Variants in FLT3 observed in about 807,000 individuals in gnomAD.
The protein encoded by FLT3 is fms related receptor tyrosine kinase 3.
Under a neutral mutation model 126.6 loss-of-function variants are expected in FLT3, and 46 were observed. The ratio of observed to expected loss-of-function variants is 0.36; its 90% CI spans 0.29 to 0.46. The LOEUF (loss-of-function observed/expected upper bound fraction) is 0.46, where lower values mean the gene tolerates loss of function less well. Among genes scored for constraint, FLT3 ranks in the 20% least tolerant of loss-of-function variants. The probability of loss-of-function intolerance (pLI) is 1.00; values close to 1 mark genes in which losing one functional copy is unlikely to be tolerated. For missense variants in FLT3, 1,069 were observed against 1,190.3 expected, an observed-to-expected ratio of 0.90 and a Z score of 1.50; for synonymous variants, 404 against 434.4, an observed-to-expected ratio of 0.93 and a Z score of 0.87.
intron 21 of FLT3, 105 bp from the exon 22 acceptor site, chr13:28,015,361 T>C (rs1871748730): frequency 2.4e-6 from 2 of 842,012 alleles, no homozygotes; most frequent in Non-Finnish European, 4.0e-6. Context: ...CCAGACACTG[T>C]TGCAGGCACA....
intron 15 of FLT3, 101 bp downstream of exon 15, chr13:28,033,786 C>G: frequency 1.1e-6 from 1 of 909,744 alleles, no homozygotes; most frequent in Non-Finnish European, 1.8e-6. Flanking sequence ...ACATGGCAAA[C>G]AGTAACCATT....
At chr13:28,006,306 TTGTGTGTGTGTG>T (rs4002773) in intron 23 of FLT3, among the ~76,000 whole-genome samples, 79 of 146,994 alleles carry the variant, frequency 5.4e-4, no homozygotes, top group South Asian at 4.5e-4. Context: ...TTCTAGAAAA[TTGTGTGTGTGTG>T]TGTGTGTGTG....
intron 14 of FLT3, 28 bp downstream of exon 14, chr13:28,034,054 A>G: frequency 6.2e-7 from 1 of 1,613,584 alleles, no homozygotes; most frequent in Non-Finnish European, 8.5e-7. Context: ...GAAATGCTGC[A>G]GAAACATTTG....
At chr13:28,045,409 G>A (rs1336557391) in intron 9 of FLT3, among the ~76,000 whole-genome samples, 3 of 152,192 alleles carry the variant, frequency 2.0e-5, no homozygotes, top group East Asian at 1.9e-4. Context: ...ATCAGGTTCA[G>A]AAGAGATTCC....
At chr13:28,049,102 G>A (rs150537110) in intron 8 of FLT3, among the ~76,000 whole-genome samples, 1 of 152,166 alleles carries the variant, frequency 6.6e-6, no homozygotes, top group Non-Finnish European at 1.5e-5. Context: ...AGTTGTTCTT[G>A]TCCTTAAGAA....
chr13:28,073,953 A>AG (rs200342126), intron 1 of FLT3, among the ~76,000 whole-genome samples: 2,549 of 148,614 alleles, frequency 0.017, 58 homozygotes, highest in East Asian at 0.082. Context: ...AAAAAAAAAA[A>AG]AAAGAAAAGA....
rs561896429 is a variant in FLT3 at position 28,019,930 on chromosome 13, G to C, written c.2419-1341C>G. Among the ~76,000 whole-genome samples, 20 of 152,202 alleles carry C rather than the reference G, an allele frequency of 1.3e-4. No individual in the cohort carries two copies. In the South Asian group the frequency reaches 4.1e-3, roughly 32 times the overall value. On this transcript the variant is annotated intron_variant, in intron 19 of 23. Coordinates refer to ENST00000241453, the MANE Select transcript of FLT3 (RefSeq NM_004119.3). ...CCTCACAACCCACACCCTCACCCAA[G>C]CCATTTCATCCAAACCTAGGGATGC...
At chr13:28,066,995 A>C (rs998907893) in intron 2 of FLT3, among the ~76,000 whole-genome samples, 11 of 152,170 alleles carry the variant, frequency 7.2e-5, no homozygotes, top group African/African-American at 2.7e-4. Context: ...TGTCACTCTG[A>C]ATATGATGCT....
chr13:28,031,184 T>C (rs1235371219), intron 15 of FLT3, among the ~76,000 whole-genome samples: 12 of 149,374 alleles, frequency 8.0e-5, no homozygotes, highest in Middle Eastern at 7.3e-3. Flanking sequence ...GCTGAGATGG[T>C]GCCACTGCAC....
intron 1 of FLT3, among the ~76,000 whole-genome samples, chr13:28,099,182 G>A (rs1357461403): frequency 6.6e-6 from 1 of 152,116 alleles, no homozygotes; most frequent in Non-Finnish European, 1.5e-5. Context: ...AAATATCGTT[G>A]CAAGTATTGA....
At chr13:28,098,083 G>A (rs538592839) in intron 1 of FLT3, among the ~76,000 whole-genome samples, 2 of 152,232 alleles carry the variant, frequency 1.3e-5, no homozygotes, top group East Asian at 3.9e-4. Context: ...GGGAGGCTGA[G>A]GTGGGTGGAT....
intron 1 of FLT3, among the ~76,000 whole-genome samples, chr13:28,088,729 C>T (rs769929874): frequency 9.2e-5 from 14 of 151,386 alleles, no homozygotes; most frequent in East Asian, 1.9e-4. Context: ...GGATTACAGG[C>T]GCCCACCACC....
At chr13:28,076,980 A>AAGGG (rs201474171) in intron 1 of FLT3, among the ~76,000 whole-genome samples, 23,258 of 134,204 alleles carry the variant, frequency 0.17, 2,267 homozygotes, top group Middle Eastern at 0.26. Context: ...GGGAGGGAGG[A>AAGGG]AGGGAGGGAA....
chr13:28,086,474 A>G (rs1318611805), intron 1 of FLT3, among the ~76,000 whole-genome samples: 1 of 152,230 alleles, frequency 6.6e-6, no homozygotes, highest in Non-Finnish European at 1.5e-5. Context: ...ATTGCTTTAA[A>G]CAGTGAATTG....
At chr13:28,042,473 G>A (rs1023956524) in intron 9 of FLT3, among the ~76,000 whole-genome samples, 4 of 145,108 alleles carry the variant, frequency 2.8e-5, no homozygotes, top group Non-Finnish European at 4.5e-5. Context: ...TATCTCTGGA[G>A]GTGGAATTAT....
rs1482823196 is a variant in FLT3 at position 28,100,417 on chromosome 13, G to A, written c.43+51C>T. On this transcript the variant is annotated intron_variant, in intron 1 of 23. Coordinates refer to ENST00000241453, the MANE Select transcript of FLT3 (RefSeq NM_004119.3). The surrounding 1 kb of genome is among the most constrained non-coding windows in gnomAD (Gnocchi z 4.8). ...CGCGCGCCCGGGTCCACACTGCGGG[G>A]TGGGGGCTGAGGGACCGCGAGGGGC... 1.7e-6 allele frequency: 2 copies of A among 1,195,702 alleles called. No homozygotes were observed. The highest frequency in any genetic ancestry group is 3.2e-5 in the African/African-American group (2 of 63,178). The allele number at this position is 1,195,702 out of a possible 1,614,324, so 74.1% of individuals were successfully genotyped here.
chr13:28,047,139 G>C (rs1593257596), intron 9 of FLT3, among the ~76,000 whole-genome samples: 1 of 152,094 alleles, frequency 6.6e-6, no homozygotes, highest in Admixed American at 6.6e-5. Context: ...TTTTGAGTCA[G>C]CATGTCTGGA....
In FLT3 at chr13:28,079,952, C is replaced by CTTT. The variant is rs1593296507; in HGVS notation, c.44-9343_44-9341dup. On this transcript the variant is annotated intron_variant, in intron 1 of 23. Coordinates refer to ENST00000241453, the MANE Select transcript of FLT3 (RefSeq NM_004119.3). ...AGAGAGAGGAGGGGGATGCCAGGCTCTTTTTCACAATCATGTCTTGTAGGA... is the reference window on the plus strand; with the variant it reads ...AGAGAGAGGAGGGGGATGCCAGGCTCTTTTTTTTCACAATCATGTCTTGTAGGA... Among the ~76,000 whole-genome samples the CTTT allele has an allele frequency of 4.6e-5, 7 of 152,238 alleles. No individual in the cohort carries two copies. The East Asian group carries it at 1.4e-3, about 29-fold the overall frequency.
intron 9 of FLT3, among the ~76,000 whole-genome samples, chr13:28,040,324 G>A (rs1038718374): frequency 6.7e-5 from 10 of 148,474 alleles, no homozygotes; most frequent in Non-Finnish European, 1.3e-4. Context: ...AATGGGAAAG[G>A]AGAGAAAAGA....
Sources: gnomAD v4.1 joint callset for allele counts (sites outside exome capture counted in the v4.1 genomes callset) on GRCh38, gnomAD v4.1.1 for gene constraint, Gnocchi (gnomAD v3.1) non-coding constraint, MANE v1.5 for transcripts, NCBI Gene and HGNC (gene_info 2026-07-23, HGNC 2026-07-21) for gene names.